AKAP7: variants seen among roughly 807,000 people sequenced by gnomAD.
AKAP7 encodes A-kinase anchoring protein 7, also known as A kinase (PRKA) anchor protein 7.
AKAP7 carries 39 observed loss-of-function variants against 39.5 expected under a neutral mutation model. The ratio of observed to expected loss-of-function variants is 0.99; its 90% CI spans 0.76 to 1.29. The LOEUF is 1.29. AKAP7 is among the 50% of genes most tolerant of loss of function. The pLI, the probability that AKAP7 is intolerant of heterozygous loss-of-function variation, is 0.00. For missense variants in AKAP7, 414 were observed against 407.7 expected, an observed-to-expected ratio of 1.02 and a Z score of -0.13; for synonymous variants, 140 against 139.1, an observed-to-expected ratio of 1.01 and a Z score of -0.05.
chr6:131,169,423 G>A lies in AKAP7; in HGVS notation c.589+150G>A. 5.8e-6 allele frequency: 5 copies of A among 864,654 alleles called. No homozygotes were observed. The South Asian group carries it at 8.2e-5, about 14-fold the overall frequency. 53.6% of individuals were successfully genotyped at this position (864,654 alleles called of 1,614,324 possible). Reference sequence around the variant, plus strand: ...GGACTGTCCCAATCATAAGTCTGAAGGATTTCAGTGCTTATCATAACATTT... The same window carrying A: ...GGACTGTCCCAATCATAAGTCTGAAAGATTTCAGTGCTTATCATAACATTT... On this transcript the variant is annotated intron_variant, in intron 5 of 7. Coordinates refer to ENST00000431975, the MANE Select transcript of AKAP7 (RefSeq NM_016377.4).
In AKAP7 at chr6:131,157,017, C is replaced by T. The variant is rs149770163; in HGVS notation, c.152-3042C>T. On this transcript the variant is annotated intron_variant, in intron 2 of 7. Transcript: ENST00000431975. ...GTCTTGATCTCCTGACCTCGTGATCCGCCCGCCTCAGCCTCCCAAAGTGCT... is the reference window on the plus strand; with the variant it reads ...GTCTTGATCTCCTGACCTCGTGATCTGCCCGCCTCAGCCTCCCAAAGTGCT... 4.3e-4 allele frequency among the ~76,000 whole-genome samples: 66 copies of T among 152,154 alleles called. No homozygotes were observed. The East Asian group carries it at 0.012, about 27-fold the overall frequency.
At chr6:131,197,687 T>C (rs1807072507) in intron 5 of AKAP7, among the ~76,000 whole-genome samples, 1 of 152,234 alleles carries the variant, frequency 6.6e-6, no homozygotes, top group Non-Finnish European at 1.5e-5. Flanking sequence ...TTCTCAGACA[T>C]TGCAGTTTCC....
chr6:131,220,270 A>C (rs980446647), intron 7 of AKAP7, among the ~76,000 whole-genome samples: 1 of 152,152 alleles, frequency 6.6e-6, no homozygotes. Flanking sequence ...TTTCTTCCCT[A>C]AAAAAGATGT....
chr6:131,133,223 G>A (rs898185699), upstream of AKAP7, among the ~76,000 whole-genome samples: 2 of 152,094 alleles, frequency 1.3e-5, no homozygotes, highest in African/African-American at 4.8e-5. Flanking sequence ...TTTAATGGTG[G>A]CCTACTAGTT....
intron 2 of AKAP7, among the ~76,000 whole-genome samples, chr6:131,153,893 C>A (rs1407003439): frequency 6.6e-6 from 1 of 152,136 alleles, no homozygotes; most frequent in African/African-American, 2.4e-5. Context: ...ACTTCTGTCT[C>A]ATTCCATTCC....
chr6:131,150,377 T>C (rs1216566622), intron 2 of AKAP7, among the ~76,000 whole-genome samples: 1 of 152,186 alleles, frequency 6.6e-6, no homozygotes, highest in Non-Finnish European at 1.5e-5. Flanking sequence ...AAACTTACCT[T>C]CACCTAAAAC....
At chr6:131,176,591 T>G (rs1342959376) in intron 5 of AKAP7, among the ~76,000 whole-genome samples, 1 of 152,134 alleles carries the variant, frequency 6.6e-6, no homozygotes, top group Non-Finnish European at 1.5e-5. Context: ...GTTAGCATGA[T>G]AAAAGATTCT....
At chr6:131,135,875 C>T in intron 1 of AKAP7, 93 bp downstream of exon 1, 1 of 1,186,142 alleles carries the variant, frequency 8.4e-7, no homozygotes, top group Non-Finnish European at 1.1e-6. Flanking sequence ...GAGGGCCTGA[C>T]CCGCGCCGGC....
chr6:131,132,471 G>C (rs977375913), upstream of AKAP7, among the ~76,000 whole-genome samples: 2 of 152,064 alleles, frequency 1.3e-5, no homozygotes, highest in Non-Finnish European at 1.5e-5. Flanking sequence ...CGTATGTTCT[G>C]CCCATTCCTC....
chr6:131,220,365 A>C (rs1809593359), intron 7 of AKAP7, among the ~76,000 whole-genome samples: 1 of 152,210 alleles, frequency 6.6e-6, no homozygotes, highest in Admixed American at 6.5e-5. Context: ...CTGTGTTTCC[A>C]GGTGGAAAGT....
chr6:131,190,157 G>A (rs968191435), intron 5 of AKAP7, among the ~76,000 whole-genome samples: 4 of 152,108 alleles, frequency 2.6e-5, no homozygotes, highest in African/African-American at 7.2e-5. Flanking sequence ...CAAAAAGAAG[G>A]CATTTTCTTT....
chr6:131,212,403 T>A (rs570114336), intron 6 of AKAP7, among the ~76,000 whole-genome samples: 1 of 152,368 alleles, frequency 6.6e-6, no homozygotes, highest in African/African-American at 2.4e-5. Flanking sequence ...GTCATATGTT[T>A]AATGACTGTT....
At chr6:131,201,710 G>A (rs537914552) in intron 6 of AKAP7, among the ~76,000 whole-genome samples, 8 of 152,232 alleles carry the variant, frequency 5.3e-5, no homozygotes, top group African/African-American at 1.9e-4. Flanking sequence ...TTCTTCTAGG[G>A]CTTTTATGGT....
At chr6:131,172,222 G>T (rs1025968176) in intron 5 of AKAP7, among the ~76,000 whole-genome samples, 2 of 152,084 alleles carry the variant, frequency 1.3e-5, no homozygotes, top group Admixed American at 1.3e-4. Context: ...TTTTTTAAGA[G>T]GCACAATTTT....
intron 7 of AKAP7, among the ~76,000 whole-genome samples, chr6:131,256,978 C>G (rs1812920022): frequency 1.3e-5 from 2 of 151,266 alleles, no homozygotes; most frequent in Non-Finnish European, 1.5e-5. Context: ...TTCTCAATGT[C>G]TATATGGTAG....
chr6:131,192,712 T>C (rs1266193216), intron 5 of AKAP7, among the ~76,000 whole-genome samples: 2 of 152,208 alleles, frequency 1.3e-5, no homozygotes, highest in Non-Finnish European at 2.9e-5. Context: ...TTCCAATCCA[T>C]GAACATGGAA....
the AKAP7 span, among the ~76,000 whole-genome samples, chr6:131,128,506 C>A: frequency 2.0e-5 from 3 of 152,092 alleles, no homozygotes; most frequent in Admixed American, 6.6e-5. Context: ...TATCACACCT[C>A]CTTCTGGGAA....
At chr6:131,244,702 CG>C (rs1375265923) in intron 7 of AKAP7, among the ~76,000 whole-genome samples, 1 of 152,160 alleles carries the variant, frequency 6.6e-6, no homozygotes, top group Non-Finnish European at 1.5e-5. Context: ...GCAGAGATTT[CG>C]GAATGACTCT....
intron 2 of AKAP7, among the ~76,000 whole-genome samples, chr6:131,154,752 A>T (rs1346876934): frequency 6.6e-6 from 1 of 152,142 alleles, no homozygotes; most frequent in Non-Finnish European, 1.5e-5. Flanking sequence ...TCATAATTTT[A>T]AAAAATCTGG....
Sources: gnomAD v4.1 joint callset for allele counts (sites outside exome capture counted in the v4.1 genomes callset) on GRCh38, gnomAD v4.1.1 for gene constraint, MANE v1.5 for transcripts, NCBI Gene and HGNC (gene_info 2026-07-23, HGNC 2026-07-21) for gene names.